The following GRIA4 variants were observed in gnomAD, a reference collection of about 807,000 sequenced individuals.
The protein encoded by GRIA4 is glutamate receptor 4.
A neutral mutation model predicts 104.0 loss-of-function variants in GRIA4; 34 were observed. That is an observed-to-expected ratio of 0.33 (90% confidence interval 0.25 to 0.44). GRIA4 has a LOEUF of 0.44. Ranked by LOEUF, GRIA4 falls within the 20% of genes least tolerant of loss-of-function variation. GRIA4 has a pLI of 1.00. For missense variants in GRIA4, 750 were observed against 1,096.5 expected, an observed-to-expected ratio of 0.68 and a Z score of 4.46; for synonymous variants, 386 against 381.9, an observed-to-expected ratio of 1.01 and a Z score of -0.13.
Position 105,898,354 on chromosome 11 carries a change from T to C in GRIA4, c.812T>C (p.Met271Thr), listed in dbSNP as rs1565326017. ...CAGTTGGTGGATTTTAATACACCTA[T>C]GGTAATCAAACTAATGGATCGCTGG... ...GFQLVDFNTP[M>T]VIKLMDRWKK... Residue 271 changes from methionine to threonine, a missense_variant, in exon 7 of 17, where the codon ATG becomes ACG. By Grantham distance (81) the Met-to-Thr change is moderately conservative (BLOSUM62 -1). Coordinates refer to ENST00000282499, the MANE Select transcript of GRIA4 (RefSeq NM_000829.4). 6 of 1,578,462 alleles carry C rather than the reference T, an allele frequency of 3.8e-6. No individual in the cohort carries two copies. In the African/African-American group the frequency reaches 4.0e-5, roughly 11 times the overall value.
At chr11:105,781,662 G>A (rs1421654644) in intron 4 of GRIA4, among the ~76,000 whole-genome samples, 1 of 151,936 alleles carries the variant, frequency 6.6e-6, no homozygotes, top group Admixed American at 6.6e-5. Flanking sequence ...TTTATAGGTC[G>A]GTGTAATTGA....
chr11:105,853,733 G>A lies in GRIA4; in HGVS notation c.488-8291G>A, dbSNP rs116236383. On this transcript the variant is annotated intron_variant, in intron 4 of 16. Coordinates refer to ENST00000282499, the MANE Select transcript of GRIA4 (RefSeq NM_000829.4). ...TAAGTACAGGATTGGTGGGGTGGGG[G>A]GAGTGTAGAATTTAGAGAAAAGCAA... Among the ~76,000 whole-genome samples, 859 of 152,076 alleles carry A rather than the reference G, an allele frequency of 5.6e-3. 7 individuals carry two copies. Among genetic ancestry groups the A allele is most frequent in the African/African-American group, 0.02 (814 of 41,468 alleles).
intron 9 of GRIA4, among the ~76,000 whole-genome samples, chr11:105,906,689 A>G (rs1947052366): frequency 6.6e-6 from 1 of 152,128 alleles, no homozygotes; most frequent in Non-Finnish European, 1.5e-5. Context: ...CCTGATCCAG[A>G]TCAGGAGTGG....
At chr11:105,677,988 G>T (rs1273762844) in intron 3 of GRIA4, among the ~76,000 whole-genome samples, 2 of 151,962 alleles carry the variant, frequency 1.3e-5, no homozygotes, top group African/African-American at 4.8e-5. Context: ...CAGAAACCAT[G>T]TCCATCTTAT....
intron 5 of GRIA4, among the ~76,000 whole-genome samples, chr11:105,866,545 G>GTATATATA (rs775973048): frequency 2.2e-4 from 16 of 71,236 alleles, no homozygotes; most frequent in African/African-American, 9.8e-4. Flanking sequence ...ATGTGTGTGT[G>GTATATATA]TGTGTGTATA....
At chr11:105,775,836 A>G (rs970572910) in intron 4 of GRIA4, among the ~76,000 whole-genome samples, 1 of 152,008 alleles carries the variant, frequency 6.6e-6, no homozygotes, top group African/African-American at 2.4e-5. Context: ...GTCCCCTCAA[A>G]TATCATCAAT....
At position 105,898,325 on chromosome 11, in the gene GRIA4, A is replaced by G. The variant is rs928686809; in HGVS notation, c.783A>G (p.Gly261=). The G allele has an allele frequency of 1.3e-6, 2 of 1,576,808 alleles. No homozygotes were observed. Among genetic ancestry groups the G allele is most frequent in the Non-Finnish European group, 1.7e-6 (2 of 1,146,166 alleles). The part of the protein sequence containing the change: ...RFIHGGANVT[G]FQLVDFNTPM... The stretch of plus-strand genomic sequence containing the variant: ...TACATGGTGGAGCCAATGTTACTGG[A>G]TTCCAGTTGGTGGATTTTAATACAC... Residue 261 remains glycine (G), a synonymous_variant, in exon 7 of 17, where the codon GGA becomes GGG. Transcript: ENST00000282499.
At chr11:105,813,219 G>A (rs1165099379) in intron 4 of GRIA4, among the ~76,000 whole-genome samples, 6 of 151,950 alleles carry the variant, frequency 3.9e-5, no homozygotes, top group Non-Finnish European at 8.8e-5. Context: ...TTTTTATAAG[G>A]GTAGAGGGAA....
intron 3 of GRIA4, among the ~76,000 whole-genome samples, chr11:105,720,664 A>G (rs1937736716): frequency 1.3e-5 from 2 of 152,148 alleles, no homozygotes; most frequent in African/African-American, 4.8e-5. Context: ...TTTATGTTAT[A>G]AATTAGTGCA....
At chr11:105,805,891 G>A (rs1942935025) in intron 4 of GRIA4, among the ~76,000 whole-genome samples, 2 of 151,940 alleles carry the variant, frequency 1.3e-5, no homozygotes, top group African/African-American at 2.4e-5. Context: ...AACTGGAAAC[G>A]AAGGGCTTGA....
At chr11:105,638,814 A>G (rs1002884545) in intron 3 of GRIA4, among the ~76,000 whole-genome samples, 1 of 152,098 alleles carries the variant, frequency 6.6e-6, no homozygotes, top group African/African-American at 2.4e-5. Context: ...TTGAATGATC[A>G]GAGCTCACTG....
rs144752567 is a variant in GRIA4 at position 105,684,546 on chromosome 11, C to CCT, written c.248-68435_248-68434insCT. ...AAAATAAGGCAAATATATATATATA[C>CCT]ATATATATATATATACACACCTTTA... On this transcript the variant is annotated intron_variant, in intron 3 of 16. Coordinates refer to ENST00000282499, the MANE Select transcript of GRIA4 (RefSeq NM_000829.4). Among the ~76,000 whole-genome samples, 4 of 144,996 alleles carry CCT rather than the reference C, an allele frequency of 2.8e-5. No individual in the cohort carries two copies. In the East Asian group the frequency reaches 8.0e-4, roughly 29 times the overall value.
At chr11:105,613,849 T>C (rs1378095617) in intron 3 of GRIA4, 1 of 152,010 alleles carries the variant, frequency 6.6e-6, no homozygotes, top group Non-Finnish European at 1.5e-5. Context: ...TTTTTAAAAA[T>C]CTCTTGACAT....
intron 14 of GRIA4, among the ~76,000 whole-genome samples, chr11:105,968,517 C>A (rs1415562636): frequency 6.6e-6 from 1 of 152,138 alleles, no homozygotes; most frequent in African/African-American, 2.4e-5. Context: ...GAAGTTCTGA[C>A]CATAGCAGTC....
intron 4 of GRIA4, among the ~76,000 whole-genome samples, chr11:105,805,478 GAAAAA>G: frequency 1.1e-5 from 1 of 92,478 alleles, no homozygotes; most frequent in Admixed American, 1.2e-4. Context: ...AAGAAATCAG[GAAAAA>G]AAAAAAAAAA....
intron 10 of GRIA4, among the ~76,000 whole-genome samples, chr11:105,914,734 G>A (rs2136175767): frequency 6.6e-6 from 1 of 152,192 alleles, no homozygotes; most frequent in Non-Finnish European, 1.5e-5. Flanking sequence ...GTCCTGCAAA[G>A]CACAGTAGTT....
chr11:105,866,790 C>T (rs1201623641), intron 5 of GRIA4, among the ~76,000 whole-genome samples: 1 of 151,136 alleles, frequency 6.6e-6, no homozygotes, highest in African/African-American at 2.4e-5. Context: ...GCTATGGATG[C>T]CAGTTATTAT....
At chr11:105,857,610 G>C (rs1591358438) in intron 4 of GRIA4, among the ~76,000 whole-genome samples, 1 of 151,970 alleles carries the variant, frequency 6.6e-6, no homozygotes, top group African/African-American at 2.4e-5. Flanking sequence ...GATATTCCCT[G>C]ATTATTTCCA....
chr11:105,956,966 T>C (rs1002366617), intron 14 of GRIA4, among the ~76,000 whole-genome samples: 1 of 152,228 alleles, frequency 6.6e-6, no homozygotes, highest in Non-Finnish European at 1.5e-5. Flanking sequence ...TTTGATTTTT[T>C]TCTTGTAAAT....
Sources: gnomAD v4.1 joint callset for allele counts (sites outside exome capture counted in the v4.1 genomes callset) on GRCh38, gnomAD v4.1.1 for gene constraint, MANE v1.5 for transcripts, NCBI Gene and HGNC (gene_info 2026-07-23, HGNC 2026-07-21) for gene names.